The following ENPP1 variants were observed in gnomAD, a reference collection of about 807,000 sequenced individuals.
ENPP1 encodes the protein ectonucleotide pyrophosphatase/phosphodiesterase 1.
In ENPP1, 73 loss-of-function variants were observed where a neutral mutation model predicts 122.8. That is an observed-to-expected ratio of 0.59 (90% CI 0.49 to 0.72). ENPP1 has a LOEUF of 0.72. ENPP1 is among the 30% of genes least tolerant of loss of function. The probability of loss-of-function intolerance (pLI) is 0.00; values close to 1 mark genes in which losing one functional copy is unlikely to be tolerated. For synonymous variants in ENPP1, 367 were observed against 391.6 expected (o/e 0.94, Z 0.74); for missense variants, 978 against 1,128.1 (o/e 0.87, Z 1.91).
intron 1 of ENPP1, among the ~76,000 whole-genome samples, chr6:131,812,057 A>C (rs1013367315): frequency 1.3e-5 from 2 of 152,114 alleles, no homozygotes; most frequent in African/African-American, 2.4e-5. Flanking sequence ...GAGCAGCGGG[A>C]TTTCAGGTCA....
intron 11 of ENPP1, 111 bp from the exon 12 acceptor site, chr6:131,867,907 C>G (rs1389147713): frequency 1.3e-6 from 1 of 774,582 alleles, no homozygotes; most frequent in Non-Finnish European, 2.2e-6. Flanking sequence ...GTCTGTCTTT[C>G]TTTCTTTCTT....
chr6:131,868,132 C>A lies in ENPP1; in HGVS notation c.1273+6C>A, dbSNP rs777529583. The A allele has an allele frequency of 1.9e-6, 3 of 1,594,322 alleles. No homozygotes were observed. Among genetic ancestry groups the A allele is most frequent in the South Asian group, 2.2e-5 (2 of 90,616 alleles). The stretch of plus-strand genomic sequence containing the variant: ...CATCCTTATTTCAGATCATGGTAAT[C>A]TGAATTTGCATTATTTACTCTTCAG... On this transcript the variant is annotated splice_donor_region_variant and intron_variant, in intron 12 of 24. Transcript: ENST00000647893.
At chr6:131,885,634 A>C (rs145711296) in intron 23 of ENPP1, among the ~76,000 whole-genome samples, 2,782 of 152,312 alleles carry the variant, frequency 0.018, 40 homozygotes, top group Non-Finnish European at 0.029. Flanking sequence ...CAATAATTAC[A>C]GCAGTTTGGG....
intron 1 of ENPP1, among the ~76,000 whole-genome samples, chr6:131,825,632 A>T (rs28637274): frequency 0.012 from 1,781 of 152,278 alleles, 33 homozygotes; most frequent in African/African-American, 0.039. Flanking sequence ...TAGTTCTCCA[A>T]TTAACAATGA....
intron 9 of ENPP1, among the ~76,000 whole-genome samples, chr6:131,863,919 A>G (rs1428778358): frequency 6.6e-6 from 1 of 152,104 alleles, no homozygotes; most frequent in Non-Finnish European, 1.5e-5. Flanking sequence ...TGTCTCAAAA[A>G]AAACAAAGAA....
At chr6:131,840,821 G>A (rs1220818833) in intron 1 of ENPP1, among the ~76,000 whole-genome samples, 1 of 152,178 alleles carries the variant, frequency 6.6e-6, no homozygotes, top group Admixed American at 6.5e-5. Flanking sequence ...ATAATGAATT[G>A]AAAGGTGGAA....
At chr6:131,874,362 T>C (rs527673204) in intron 16 of ENPP1, 25 bp downstream of exon 16, 4 of 1,327,590 alleles carry the variant, frequency 3.0e-6, no homozygotes, top group East Asian at 4.6e-5. Context: ...TATACTTAAT[T>C]GGATTAAATC....
intron 19 of ENPP1, among the ~76,000 whole-genome samples, chr6:131,879,520 C>T (rs940407063): frequency 1.3e-5 from 2 of 152,070 alleles, no homozygotes; most frequent in African/African-American, 4.8e-5. Flanking sequence ...TCCAAGTACA[C>T]ATATCATTAA....
At chr6:131,838,688 C>T (rs1012584454) in intron 1 of ENPP1, among the ~76,000 whole-genome samples, 1 of 149,778 alleles carries the variant, frequency 6.7e-6, no homozygotes, top group Admixed American at 6.6e-5. Flanking sequence ...AATAAGCATA[C>T]AAAAGAAAAG....
chr6:131,857,139 G>A (rs1227950684), intron 6 of ENPP1, among the ~76,000 whole-genome samples: 1 of 151,776 alleles, frequency 6.6e-6, no homozygotes, highest in Admixed American at 6.6e-5. Context: ...TCATTAAAAA[G>A]TCAGGAAACA....
At chr6:131,872,235 T>C (rs1178656907) in intron 14 of ENPP1, 134 bp downstream of exon 14, 6 of 682,222 alleles carry the variant, frequency 8.8e-6, no homozygotes, top group Non-Finnish European at 1.5e-5. Context: ...ATGGAAATGC[T>C]GTGTAGTTTA....
chr6:131,886,821 C>A, intron 24 of ENPP1, 97 bp downstream of exon 24: 2 of 979,990 alleles, frequency 2.0e-6, no homozygotes, highest in South Asian at 1.5e-5. Context: ...AGAGAAAGCA[C>A]AACTGAGTAC....
chr6:131,881,219 A>G (rs1255461332), intron 20 of ENPP1, among the ~76,000 whole-genome samples: 1 of 152,170 alleles, frequency 6.6e-6, no homozygotes, highest in African/African-American at 2.4e-5. Context: ...TATAATTTCT[A>G]TGTTACAAAT....
At chr6:131,863,325 G>C (rs1374514726) in intron 9 of ENPP1, among the ~76,000 whole-genome samples, 1 of 152,162 alleles carries the variant, frequency 6.6e-6, no homozygotes, top group Non-Finnish European at 1.5e-5. Context: ...TGAAATCCAT[G>C]ATGCATTGAG....
chr6:131,874,880 CA>C (rs1782209070), intron 16 of ENPP1, among the ~76,000 whole-genome samples: 1 of 151,774 alleles, frequency 6.6e-6, no homozygotes, highest in African/African-American at 2.4e-5. Flanking sequence ...ACTACTCAGC[CA>C]TAAAAAGGAA....
intron 1 of ENPP1, among the ~76,000 whole-genome samples, chr6:131,841,863 C>T (rs1463941423): frequency 2.6e-5 from 4 of 152,130 alleles, no homozygotes; most frequent in Non-Finnish European, 4.4e-5. Flanking sequence ...GACCTCATTT[C>T]CCACCGGACT....
intron 1 of ENPP1, among the ~76,000 whole-genome samples, chr6:131,844,986 T>C (rs1781787964): frequency 6.6e-6 from 1 of 151,648 alleles, no homozygotes; most frequent in Non-Finnish European, 1.5e-5. Context: ...AGAAGGTAAG[T>C]ACTGTTTGGA....
At chr6:131,828,383 G>C in intron 1 of ENPP1, 2 of 384,386 alleles carry the variant, frequency 5.2e-6, no homozygotes, top group Non-Finnish European at 5.1e-6. Flanking sequence ...GTGTCTGCTA[G>C]TAAACATTTT....
chr6:131,833,790 C>T (rs7754609), intron 1 of ENPP1, among the ~76,000 whole-genome samples: 3,436 of 152,198 alleles, frequency 0.023, 143 homozygotes, highest in African/African-American at 0.077. Flanking sequence ...CAGCATTTTG[C>T]GACAGTGACA....
Sources: gnomAD v4.1 joint callset for allele counts (sites outside exome capture counted in the v4.1 genomes callset) on GRCh38, gnomAD v4.1.1 for gene constraint, MANE v1.5 for transcripts, NCBI Gene and HGNC (gene_info 2026-07-23, HGNC 2026-07-21) for gene names.